ACOXL: variants seen among roughly 807,000 people sequenced by gnomAD.
The protein encoded by ACOXL is acyl-coenzyme A oxidase-like protein.
ACOXL carries 70 observed loss-of-function variants against 71.9 expected under a neutral mutation model. The observed-to-expected ratio is 0.97, with a 90% CI of 0.80 to 1.19. ACOXL has a LOEUF of 1.19. ACOXL is among the 50% of genes most tolerant of loss of function. The pLI is 0.00. For synonymous variants in ACOXL, 253 were observed against 281.6 expected (o/e 0.90, Z 1.02); for missense variants, 703 against 736.3 (o/e 0.95, Z 0.52).
At chr2:111,013,522 CA>C (rs56905916) in intron 14 of ACOXL, among the ~76,000 whole-genome samples, 2,146 of 95,506 alleles carry the variant, frequency 0.022, 21 homozygotes, top group African/African-American at 0.071. Context: ...GACCCTGTCT[CA>C]AAAAAAAAAA....
At chr2:110,845,279 A>G (rs888602669) in intron 10 of ACOXL, among the ~76,000 whole-genome samples, 1 of 152,234 alleles carries the variant, frequency 6.6e-6, no homozygotes, top group Admixed American at 6.5e-5. Flanking sequence ...GAGAGGAGCA[A>G]GAGGGGAAGG....
At chr2:110,906,965 TCA>T (rs1395103740) in intron 10 of ACOXL, among the ~76,000 whole-genome samples, 1 of 152,222 alleles carries the variant, frequency 6.6e-6, no homozygotes, top group Non-Finnish European at 1.5e-5. Context: ...TACAGTAGAA[TCA>T]CAGCATGTAA....
chr2:110,957,472 C>T (rs976388559), intron 12 of ACOXL, among the ~76,000 whole-genome samples: 10 of 152,274 alleles, frequency 6.6e-5, no homozygotes, highest in African/African-American at 2.4e-4. Flanking sequence ...GTGGATTACA[C>T]AACAGGAATT....
chr2:110,898,709 T>C (rs570119832), intron 10 of ACOXL, among the ~76,000 whole-genome samples: 181 of 152,330 alleles, frequency 1.2e-3, no homozygotes, highest in Admixed American at 2.0e-3. Context: ...TTGCTACTGC[T>C]ATTCAGTGTA....
At chr2:110,951,116 A>G (rs572570077) in intron 12 of ACOXL, among the ~76,000 whole-genome samples, 1 of 152,138 alleles carries the variant, frequency 6.6e-6, no homozygotes, top group Non-Finnish European at 1.5e-5. Flanking sequence ...CTGGTTAGGG[A>G]ATGGGGTCAC....
intron 14 of ACOXL, among the ~76,000 whole-genome samples, chr2:111,001,915 G>A (rs1346185719): frequency 2.6e-5 from 4 of 152,276 alleles, no homozygotes; most frequent in East Asian, 3.9e-4. Context: ...GGGCTATGAT[G>A]GCCAAGCTCC....
chr2:110,931,403 T>G (rs1014337972), intron 11 of ACOXL, among the ~76,000 whole-genome samples: 2 of 152,188 alleles, frequency 1.3e-5, no homozygotes, highest in Non-Finnish European at 2.9e-5. Context: ...CATGTATACA[T>G]TTTTTTAAAT....
intron 10 of ACOXL, among the ~76,000 whole-genome samples, chr2:110,847,329 C>T (rs1034646445): frequency 1.3e-5 from 2 of 152,170 alleles, no homozygotes; most frequent in African/African-American, 4.8e-5. Flanking sequence ...CAGAGGTGAG[C>T]ATCACCCCTT....
At chr2:110,915,383 T>A (rs1277243991) in intron 11 of ACOXL, among the ~76,000 whole-genome samples, 1 of 141,150 alleles carries the variant, frequency 7.1e-6, no homozygotes, top group Non-Finnish European at 1.6e-5. Context: ...TGTGTGTGTA[T>A]GTATGTGTGT....
intron 9 of ACOXL, among the ~76,000 whole-genome samples, chr2:110,832,696 T>C (rs573268854): frequency 6.6e-6 from 1 of 152,266 alleles, no homozygotes; most frequent in East Asian, 1.9e-4. Context: ...AGGACTAGTA[T>C]GTAGAATATG....
intron 3 of ACOXL, among the ~76,000 whole-genome samples, chr2:110,785,224 A>C (rs1683804139): frequency 2.0e-5 from 3 of 152,222 alleles, no homozygotes; most frequent in Non-Finnish European, 2.9e-5. Context: ...AGTTACAAAA[A>C]TAGTACATAG....
chr2:111,112,644 A>C (rs2150084660), intron 17 of ACOXL, among the ~76,000 whole-genome samples: 1 of 152,372 alleles, frequency 6.6e-6, no homozygotes, highest in East Asian at 1.9e-4. Flanking sequence ...AAGTGAGAAT[A>C]GGTGCAGGTT....
chr2:111,037,820 G>A (rs747965339), intron 15 of ACOXL, among the ~76,000 whole-genome samples: 24 of 152,130 alleles, frequency 1.6e-4, no homozygotes, highest in South Asian at 8.3e-4. Context: ...CCCATCCACC[G>A]CACTCTTTAA....
At chr2:110,752,863 T>C (rs1043791650) in intron 1 of ACOXL, among the ~76,000 whole-genome samples, 21 of 152,288 alleles carry the variant, frequency 1.4e-4, no homozygotes, top group Non-Finnish European at 2.1e-4. Flanking sequence ...AGTGTCTTAA[T>C]TGGGTGGCGC....
At chr2:110,895,554 C>T (rs965029757) in intron 10 of ACOXL, among the ~76,000 whole-genome samples, 6 of 151,864 alleles carry the variant, frequency 4.0e-5, no homozygotes, top group South Asian at 2.1e-4. Context: ...ACATATCTAT[C>T]GATGAAAGAA....
At chr2:110,734,015 T>C (rs1676526026) in intron 1 of ACOXL, among the ~76,000 whole-genome samples, 2 of 152,294 alleles carry the variant, frequency 1.3e-5, no homozygotes, top group South Asian at 4.1e-4. Context: ...AGAAAAAATA[T>C]AGAAGCAGAC....
rs1686503107 is a variant in ACOXL, at chr2:110,805,317, T to G, written c.675T>G (p.Ser225Arg). 1 of 1,614,000 alleles carries G rather than the reference T, an allele frequency of 6.2e-7. No individual in the cohort carries two copies. The highest frequency in any genetic ancestry group is 8.5e-7 in the Non-Finnish European group (1 of 1,180,020). ...ACCATTCGCCTATTAGGAACAAGAG[T>G]GCAAGATTCAATGCCATGCTGGCAG... Reference protein sequence around the residue: ...GQYHSPIRNKSARFNAMLAAL... With the variant: ...GQYHSPIRNKRARFNAMLAAL... Residue 225 changes from serine to arginine, a missense_variant, in exon 9 of 18, where the codon AGT becomes AGG. Physicochemically the swap from Ser to Arg is moderately radical, Grantham distance 110 (BLOSUM62 -1). Coordinates refer to ENST00000439055, the MANE Select transcript of ACOXL (RefSeq NM_001142807.4).
At chr2:111,040,273 C>T (rs1368023798) in intron 15 of ACOXL, among the ~76,000 whole-genome samples, 1 of 152,162 alleles carries the variant, frequency 6.6e-6, no homozygotes, top group East Asian at 1.9e-4. Flanking sequence ...TGCCTCAGAC[C>T]ATAGGACCAA....
chr2:110,944,562 A>G (rs892126962), intron 12 of ACOXL, among the ~76,000 whole-genome samples: 4 of 151,962 alleles, frequency 2.6e-5, no homozygotes, highest in Admixed American at 2.0e-4. Flanking sequence ...TGCGTACTCA[A>G]TGTTTAGCTC....
Sources: allele counts gnomAD v4.1 joint callset (sites outside exome capture counted in the v4.1 genomes callset), GRCh38; gene constraint gnomAD v4.1.1; transcripts MANE v1.5; gene names NCBI Gene and HGNC (gene_info 2026-07-23, HGNC 2026-07-21).